The following NPR3 variants were observed in gnomAD, a reference collection of about 807,000 sequenced individuals.
NPR3 encodes the protein natriuretic peptide receptor 3, also known as atrial natriuretic peptide receptor 3.
NPR3 carries 34 observed loss-of-function variants against 54.5 expected under a neutral mutation model. The observed-to-expected ratio is 0.62, with a 90% CI of 0.47 to 0.83. The LOEUF (loss-of-function observed/expected upper bound fraction) is 0.83. Among genes scored for constraint, NPR3 ranks in the 40% least tolerant of loss-of-function variants. The pLI is 0.00. For synonymous variants in NPR3, 289 were observed against 297.1 expected (o/e 0.97, Z 0.28); for missense variants, 674 against 720.8 (o/e 0.94, Z 0.74).
At chr5:32,740,895 A>G (rs1740003332) in intron 3 of NPR3, among the ~76,000 whole-genome samples, 1 of 152,004 alleles carries the variant, frequency 6.6e-6, no homozygotes, top group South Asian at 2.1e-4. Flanking sequence ...GAAACATGTG[A>G]TAGTGTTGTC....
intron 1 of NPR3, among the ~76,000 whole-genome samples, chr5:32,695,479 A>G (rs534452009): frequency 6.6e-6 from 1 of 152,294 alleles, no homozygotes; most frequent in African/African-American, 2.4e-5. Flanking sequence ...GGTGTTAGTC[A>G]GGATGATCTG....
intron 2 of NPR3, among the ~76,000 whole-genome samples, chr5:32,738,240 A>G (rs1284780133): frequency 1.3e-5 from 2 of 152,122 alleles, no homozygotes; most frequent in Non-Finnish European, 1.5e-5. Context: ...TGCACCCATC[A>G]ACCCGTCATC....
At chr5:32,738,779 C>CG in intron 2 of NPR3, 85 bp from the exon 3 acceptor site, 2 of 1,214,624 alleles carry the variant, frequency 1.6e-6, no homozygotes, top group African/African-American at 1.5e-5. Flanking sequence ...AAGTAACATG[C>CG]GGGGGCGCCT....
chr5:32,719,336 A>T lies in NPR3; in HGVS notation c.770-5362A>T, dbSNP rs1449369774. On this transcript the variant is annotated intron_variant, in intron 1 of 7. Coordinates refer to ENST00000265074, the MANE Select transcript of NPR3 (RefSeq NM_001204375.2). Reference sequence around the variant, plus strand: ...TTGTTTTGTTGGACCACATCCTCCAAGAGCTTTCTGAGAAAGGATGAATAA... The same window carrying T: ...TTGTTTTGTTGGACCACATCCTCCATGAGCTTTCTGAGAAAGGATGAATAA... Among the ~76,000 whole-genome samples the T allele has an allele frequency of 2.6e-5, 4 of 152,296 alleles. No individual in the cohort carries two copies. The South Asian group carries it at 8.3e-4, about 32-fold the overall frequency.
chr5:32,723,386 C>G (rs1428956809), intron 1 of NPR3, among the ~76,000 whole-genome samples: 1 of 152,150 alleles, frequency 6.6e-6, no homozygotes, highest in Non-Finnish European at 1.5e-5. Context: ...TGTGTGAAGC[C>G]TCTTGAATCC....
chr5:32,724,912 G>T, intron 2 of NPR3, 92 bp downstream of exon 2: 3 of 1,367,484 alleles, frequency 2.2e-6, no homozygotes, highest in South Asian at 2.5e-5. Flanking sequence ...ATAATATGTG[G>T]TACATAAACA....
At chr5:32,715,792 C>T (rs547896739) in intron 1 of NPR3, among the ~76,000 whole-genome samples, 15 of 152,160 alleles carry the variant, frequency 9.9e-5, no homozygotes, top group Admixed American at 6.5e-4. Context: ...AGTATCCTAA[C>T]GCAAATGTTT....
intron 3 of NPR3, among the ~76,000 whole-genome samples, chr5:32,755,425 C>T (rs1266635243): frequency 6.6e-6 from 1 of 152,118 alleles, no homozygotes; most frequent in Non-Finnish European, 1.5e-5. Context: ...ATAGTTAAGC[C>T]TGAAGATGGT....
At chr5:32,725,505 G>C (rs1230529687) in intron 2 of NPR3, among the ~76,000 whole-genome samples, 1 of 152,128 alleles carries the variant, frequency 6.6e-6, no homozygotes, top group Non-Finnish European at 1.5e-5. Flanking sequence ...ACTCCAAATG[G>C]TCATAAATCC....
chr5:32,706,500 CT>C (rs1203168101), upstream of NPR3, among the ~76,000 whole-genome samples: 22 of 152,130 alleles, frequency 1.4e-4, no homozygotes, highest in Non-Finnish European at 1.5e-5. Flanking sequence ...AGGCATTTTG[CT>C]TGTTGACTTT....
chr5:32,695,662 C>T (rs1449184575), intron 1 of NPR3, among the ~76,000 whole-genome samples: 1 of 152,228 alleles, frequency 6.6e-6, no homozygotes, highest in Non-Finnish European at 1.5e-5. Flanking sequence ...GTTCCCTTTT[C>T]TTCACTTACT....
chr5:32,786,491 G>T lies in NPR3; in HGVS notation c.*146G>T. 3.1e-6 allele frequency: 2 copies of T among 636,532 alleles called. No individual in the cohort carries two copies. Among genetic ancestry groups the T allele is most frequent in the East Asian group, 5.8e-5 (2 of 34,396 alleles). The allele number at this position is 636,532 out of a possible 1,614,324, so 39.4% of individuals were successfully genotyped here. A position where few individuals can be genotyped will look rare whatever the true frequency, so the allele number is the denominator to read the frequency against. On this transcript the variant is annotated 3_prime_UTR_variant, in exon 8 of 8. Coordinates refer to ENST00000265074, the MANE Select transcript of NPR3 (RefSeq NM_001204375.2). Reference sequence around the variant, plus strand: ...ATTTCATTTTAAAATTTCTGTAGAAGCTCAGGAATTATGATTAATCACCAT... The same window carrying T: ...ATTTCATTTTAAAATTTCTGTAGAATCTCAGGAATTATGATTAATCACCAT...
At chr5:32,710,644 C>G, upstream of NPR3, 2 of 1,476,530 alleles carry the variant, frequency 1.4e-6, no homozygotes, top group East Asian at 2.7e-5. Context: ...CCGGGCCAGC[C>G]GGGCACACCA....
rs1405904576 is a variant in NPR3, at chr5:32,788,764, A to C, written c.*2419A>C. On this transcript the variant is annotated 3_prime_UTR_variant, in exon 8 of 8. Transcript: ENST00000265074. ...GAGCATTTAGTATTCTAAAAGTGGC[A>C]GAACAAATCATGAGGTTTCTGGATG... is the stretch of plus-strand genomic sequence containing the variant. 2.6e-5 allele frequency: 4 copies of C among 152,268 alleles called. No individual in the cohort carries two copies. The allele number at this position is 152,268 out of a possible 1,614,324, so 9.4% of individuals were successfully genotyped here.
intron 3 of NPR3, among the ~76,000 whole-genome samples, chr5:32,743,729 T>A (rs1740148915): frequency 6.6e-6 from 1 of 152,180 alleles, no homozygotes; most frequent in East Asian, 1.9e-4. Context: ...AGCCTGTAAA[T>A]TAGCTTCCCT....
chr5:32,710,555 T>C, upstream of NPR3: 1 of 1,307,224 alleles, frequency 7.6e-7, no homozygotes. Flanking sequence ...TCGGCACCGC[T>C]GCGATTCCAG....
intron 3 of NPR3, among the ~76,000 whole-genome samples, chr5:32,741,135 C>A (rs1320698879): frequency 6.6e-6 from 1 of 151,714 alleles, no homozygotes; most frequent in African/African-American, 2.4e-5. Context: ...AGTTAGTATC[C>A]CAGCCAGGAG....
At chr5:32,728,265 C>T (rs1195120856) in intron 2 of NPR3, among the ~76,000 whole-genome samples, 1 of 152,026 alleles carries the variant, frequency 6.6e-6, no homozygotes, top group Non-Finnish European at 1.5e-5. Flanking sequence ...GAGTTCAAGA[C>T]CAGCCTGGCC....
chr5:32,764,501 A>G (rs984355127), intron 3 of NPR3, among the ~76,000 whole-genome samples: 2 of 152,038 alleles, frequency 1.3e-5, no homozygotes, highest in Non-Finnish European at 2.9e-5. Flanking sequence ...TCAAAAAAAG[A>G]ATTTGGCCGG....
Sources: allele counts gnomAD v4.1 joint callset (sites outside exome capture counted in the v4.1 genomes callset), GRCh38; gene constraint gnomAD v4.1.1; transcripts MANE v1.5; gene names NCBI Gene and HGNC (gene_info 2026-07-23, HGNC 2026-07-21).